The following SBK1 variants were observed in gnomAD, a reference collection of about 807,000 sequenced individuals.
SBK1 encodes SH3 domain binding kinase 1.
SBK1 carries 11 observed loss-of-function variants against 24.4 expected under a neutral mutation model. That is an observed-to-expected ratio of 0.45 (90% CI 0.28 to 0.75). SBK1 has a LOEUF of 0.75. Ranked by LOEUF, SBK1 falls within the 30% of genes least tolerant of loss-of-function variation. The probability of loss-of-function intolerance (pLI) is 0.12; values close to 1 mark genes in which losing one functional copy is unlikely to be tolerated. For synonymous variants in SBK1, 308 were observed against 284.4 expected (o/e 1.08, Z -0.83); for missense variants, 467 against 620.5 (o/e 0.75, Z 2.63).
intron 1 of SBK1, among the ~76,000 whole-genome samples, chr16:28,299,009 G>A (rs1728344101): frequency 6.6e-6 from 1 of 152,254 alleles, no homozygotes. Context: ...TCAAGGCCTT[G>A]CAGAGAGGAG....
chr16:28,295,969 G>T (rs941869349), intron 1 of SBK1, among the ~76,000 whole-genome samples: 1 of 141,206 alleles, frequency 7.1e-6, no homozygotes, highest in Non-Finnish European at 1.5e-5. Context: ...CTTGTTGCCC[G>T]GGCTGGAGTG....
chr16:28,318,611 C>T (rs1186718305), intron 2 of SBK1, among the ~76,000 whole-genome samples: 1 of 152,222 alleles, frequency 6.6e-6, no homozygotes, highest in Non-Finnish European at 1.5e-5. Flanking sequence ...TGGACACATG[C>T]CTTGCAGTGT....
chr16:28,278,204 C>T (rs2044506950), intron 1 of SBK1, among the ~76,000 whole-genome samples: 1 of 152,258 alleles, frequency 6.6e-6, no homozygotes. Flanking sequence ...CTCCGCCCAG[C>T]CCTCCCCAGG....
chr16:28,269,616 C>T (rs1042205519), intron 1 of SBK1, among the ~76,000 whole-genome samples: 2 of 151,664 alleles, frequency 1.3e-5, no homozygotes, highest in African/African-American at 4.8e-5. Context: ...GCCTGTAATC[C>T]CAGCACTTTG....
intron 1 of SBK1, among the ~76,000 whole-genome samples, chr16:28,284,135 C>T (rs964657022): frequency 6.6e-6 from 1 of 152,208 alleles, no homozygotes; most frequent in Non-Finnish European, 1.5e-5. Context: ...CCTGTCTCAC[C>T]CACCGACCCA....
At chr16:28,298,824 G>A (rs1294786475) in intron 1 of SBK1, among the ~76,000 whole-genome samples, 1 of 152,236 alleles carries the variant, frequency 6.6e-6, no homozygotes, top group East Asian at 1.9e-4. Flanking sequence ...GACAGGGCAC[G>A]GGTGGGGCTG....
At chr16:28,268,031 C>T (rs891963072) in intron 1 of SBK1, among the ~76,000 whole-genome samples, 1 of 152,088 alleles carries the variant, frequency 6.6e-6, no homozygotes, top group African/African-American at 2.4e-5. Context: ...CCTGTAGTCC[C>T]AGCTACTTGG....
Position 28,320,355 on chromosome 16 carries a change from T to C in SBK1, c.709T>C (p.Trp237Arg). The C allele has an allele frequency of 6.3e-7, 1 of 1,593,208 alleles. No homozygotes were observed. The highest frequency in any genetic ancestry group is 8.5e-7 in the Non-Finnish European group (1 of 1,176,240). The change falls in exon 4 of 4, where the codon TGG (tryptophan) becomes CGG (arginine). Residue 237 changes from tryptophan to arginine, a missense_variant. By Grantham distance (101) the Trp-to-Arg change is moderately radical (BLOSUM62 -3). Transcript: ENST00000341901. The surrounding 1 kb of genome is among the most constrained non-coding windows in gnomAD (Gnocchi z 8.5). ...GGCGGTGGACACGGGCGTGGACGTG[T>C]GGGCCTTCGGCGTGCTCATCTTCTG... ...GLAVDTGVDV[W>R]AFGVLIFCVL...
intron 1 of SBK1, among the ~76,000 whole-genome samples, chr16:28,305,035 T>C (rs1374158194): frequency 6.6e-6 from 1 of 150,888 alleles, no homozygotes; most frequent in East Asian, 2.0e-4. Flanking sequence ...TCAGCAGCCA[T>C]ATGGTGGAAC....
intron 1 of SBK1, among the ~76,000 whole-genome samples, chr16:28,280,185 A>C (rs1383848392): frequency 9.6e-6 from 1 of 104,440 alleles, no homozygotes; most frequent in Non-Finnish European, 2.2e-5. Context: ...GTATATATAC[A>C]TATATATGTA....
At chr16:28,293,676 T>C (rs8052258) in intron 1 of SBK1, among the ~76,000 whole-genome samples, 52,823 of 151,584 alleles carry the variant, frequency 0.35, 10,923 homozygotes, top group South Asian at 0.57. Flanking sequence ...GCTGAGCTTC[T>C]AGTGAAGTCC....
chr16:28,320,111 G>C lies in SBK1; in HGVS notation c.465G>C (p.Val155=), dbSNP rs2044828120. ...GLPEDTVKRC[V]QQLGLALDFM... ...CTGAGGACACGGTGAAGCGCTGTGT[G>C]CAGCAGCTGGGCCTGGCGCTGGACT... Residue 155 remains valine (V), a synonymous_variant, in exon 4 of 4, where the codon GTG becomes GTC. Transcript: ENST00000341901. This position sits in a 1 kb window ranked among gnomAD's most constrained non-coding sequence, Gnocchi z 8.5. 1 of 1,562,920 alleles carries C rather than the reference G, an allele frequency of 6.4e-7. No homozygotes were observed. The highest frequency in any genetic ancestry group is 8.6e-7 in the Non-Finnish European group (1 of 1,159,934).
At chr16:28,303,507 C>CTTTTTTTTTTTTTTTTTTTTT (rs143613970) in intron 1 of SBK1, among the ~76,000 whole-genome samples, 60 of 58,112 alleles carry the variant, frequency 1.0e-3, no homozygotes, top group African/African-American at 1.3e-3. Flanking sequence ...CTTTTCTTTT[C>CTTTTTTTTTTTTTTTTTTTTT]TTTTTTTTTT....
chr16:28,268,400 A>T (rs1597009029), intron 1 of SBK1, among the ~76,000 whole-genome samples: 1 of 149,410 alleles, frequency 6.7e-6, no homozygotes, highest in African/African-American at 2.5e-5. Flanking sequence ...GCACCACCAC[A>T]CCTGGCTAAT....
rs2044871660 is a variant in SBK1, at chr16:28,323,304, G to GCAAAAAATA, written c.*2383_*2384insCAAAAAATA. On this transcript the variant is annotated 3_prime_UTR_variant, in exon 4 of 4. Transcript: ENST00000341901. ...AATAATAGCAAAAAATAACACTGTA[G>GCAAAAAATA]ACATGAAGACTTAGAAGACAAAAAA... is the stretch of plus-strand genomic sequence containing the variant. 1.3e-5 allele frequency: 2 copies of GCAAAAAATA among 150,574 alleles called. No individual in the cohort carries two copies. Among genetic ancestry groups the GCAAAAAATA allele is most frequent in the Non-Finnish European group, 3.0e-5 (2 of 67,650 alleles). 9.3% of individuals were successfully genotyped at this position (150,574 alleles called of 1,614,324 possible). A position where few individuals can be genotyped will look rare whatever the true frequency, so the allele number is the denominator to read the frequency against.
chr16:28,320,062 C>A lies in SBK1; in HGVS notation c.430-14C>A. The A allele has an allele frequency of 6.8e-7, 1 of 1,471,370 alleles. No homozygotes were observed. Among genetic ancestry groups the A allele is most frequent in the Non-Finnish European group, 8.9e-7 (1 of 1,118,086 alleles). 91.1% of individuals were successfully genotyped at this position (1,471,370 alleles called of 1,614,324 possible). A position where few individuals can be genotyped will look rare whatever the true frequency, so the allele number is the denominator to read the frequency against. ...AGAGCTGGAAACAGCGCGGCTTCCC[C>A]CGGCCGCCCGCAGGTGGGGCTCCCT... On this transcript the variant is annotated splice_polypyrimidine_tract_variant and intron_variant, in intron 3 of 3. Transcript: ENST00000341901. This position sits in a 1 kb window ranked among gnomAD's most constrained non-coding sequence, Gnocchi z 8.5.
intron 1 of SBK1, among the ~76,000 whole-genome samples, chr16:28,308,392 C>G (rs1468783838): frequency 7.1e-6 from 1 of 141,574 alleles, no homozygotes; most frequent in Non-Finnish European, 1.5e-5. Context: ...CTCAAGTGAT[C>G]TGCCTGCCTC....
chr16:28,287,066 G>C (rs1028634996), intron 1 of SBK1: 3 of 151,794 alleles, frequency 2.0e-5, no homozygotes, highest in Non-Finnish European at 4.4e-5. Context: ...TTGCATTCCA[G>C]CCTGGGGGAG....
Position 28,319,949 on chromosome 16 carries a change from T to A in SBK1, c.430-127T>A. On this transcript the variant is annotated intron_variant, in intron 3 of 3. Transcript: ENST00000341901. This position sits in a 1 kb window ranked among gnomAD's most constrained non-coding sequence, Gnocchi z 4.0. The stretch of plus-strand genomic sequence containing the variant: ...CAGCATCCGGGCCGCGTCTGCGCGG[T>A]CGCCCCAGTTACTGGGGACAGGGTG... 1.1e-6 allele frequency: 1 copy of A among 892,258 alleles called. No individual in the cohort carries two copies. The highest frequency in any genetic ancestry group is 2.0e-5 in the South Asian group (1 of 50,630). 55.3% of individuals were successfully genotyped at this position (892,258 alleles called of 1,614,324 possible). A position where few individuals can be genotyped will look rare whatever the true frequency, so the allele number is the denominator to read the frequency against.
Sources: gnomAD v4.1 joint callset for allele counts (sites outside exome capture counted in the v4.1 genomes callset) on GRCh38, gnomAD v4.1.1 for gene constraint, Gnocchi (gnomAD v3.1) non-coding constraint, MANE v1.5 for transcripts, NCBI Gene and HGNC (gene_info 2026-07-23, HGNC 2026-07-21) for gene names.